The following EVC variants were observed in gnomAD, a reference collection of about 807,000 sequenced individuals.
The protein encoded by EVC is evC complex member EVC.
In EVC, 116 loss-of-function variants were observed where a neutral mutation model predicts 118.9. The ratio of observed to expected loss-of-function variants is 0.98; its 90% confidence interval spans 0.84 to 1.14. The LOEUF (loss-of-function observed/expected upper bound fraction) is 1.14. EVC is among the 50% of genes most tolerant of loss of function. The pLI is 0.00. For synonymous variants in EVC, 619 were observed against 534.7 expected, an observed-to-expected ratio of 1.16 and a Z score of -2.18; for missense variants, 1,401 against 1,246.4, an observed-to-expected ratio of 1.12 and a Z score of -1.87.
rs921827847 is a variant in EVC at position 5,811,119 on chromosome 4, C to T, written c.*82C>T. On this transcript the variant is annotated 3_prime_UTR_variant, in exon 21 of 21. Coordinates refer to ENST00000264956, the MANE Select transcript of EVC (RefSeq NM_153717.3). ...CCTTCCCTCCTGCAGTGCTGAGAGG[C>T]AGCGAGGACGGAGAGGACAGCGGCA... 28 of 1,147,690 alleles carry T rather than the reference C, an allele frequency of 2.4e-5. No homozygotes were observed. Among genetic ancestry groups the T allele is most frequent in the Admixed American group, 1.2e-4 (6 of 51,572 alleles). The allele number at this position is 1,147,690 out of a possible 1,614,324, so 71.1% of individuals were successfully genotyped here.
chr4:5,805,453 G>A (rs559470634), intron 17 of EVC, among the ~76,000 whole-genome samples: 143 of 152,268 alleles, frequency 9.4e-4, no homozygotes, highest in South Asian at 1.9e-3. Context: ...GTCAGGAAAC[G>A]CCCTGCTGCA....
At chr4:5,822,771 C>G in the EVC span, among the ~76,000 whole-genome samples, 1 of 152,206 alleles carries the variant, frequency 6.6e-6, no homozygotes, top group Non-Finnish European at 1.5e-5. Context: ...TGCCTTTCTT[C>G]ATGGTCTACA....
chr4:5,823,003 T>A, the EVC span, among the ~76,000 whole-genome samples: 1 of 152,220 alleles, frequency 6.6e-6, no homozygotes, highest in East Asian at 1.9e-4. Context: ...CTTTTTCTAA[T>A]ACATCTGACT....
At chr4:5,752,140 G>A (rs929026506) in intron 8 of EVC, among the ~76,000 whole-genome samples, 1 of 152,072 alleles carries the variant, frequency 6.6e-6, no homozygotes, top group Admixed American at 6.5e-5. Context: ...GGCTGGGAGT[G>A]GGGGGTGCAG....
At chr4:5,783,061 G>A (rs1193454756) in intron 11 of EVC, among the ~76,000 whole-genome samples, 1 of 151,966 alleles carries the variant, frequency 6.6e-6, no homozygotes, top group Non-Finnish European at 1.5e-5. Context: ...CTAAGGTGAC[G>A]GGTGCATCCC....
rs978324118 is a variant in EVC at position 5,789,489 on chromosome 4, T to C, written c.1777-4119T>C. On this transcript the variant is annotated intron_variant, in intron 12 of 20. Transcript: ENST00000264956. This position sits in a 1 kb window ranked among gnomAD's most constrained non-coding sequence, Gnocchi z 4.3. ...CTCCAGTGTTTGCCTCGGGAGTTGA[T>C]TGTAGAGTCCACCCCACCTAAAAAC... Among the ~76,000 whole-genome samples the C allele has an allele frequency of 5.9e-5, 9 of 152,196 alleles. No homozygotes were observed. The highest frequency in any genetic ancestry group is 3.3e-4 in the Admixed American group (5 of 15,280).
chr4:5,756,474 C>G lies in EVC; in HGVS notation c.1563+112C>G. On this transcript the variant is annotated intron_variant, in intron 11 of 20. Coordinates refer to ENST00000264956, the MANE Select transcript of EVC (RefSeq NM_153717.3). This position sits in a 1 kb window ranked among gnomAD's most constrained non-coding sequence, Gnocchi z 4.2. Reference sequence around the variant, plus strand: ...GAGGTGGTTCAGGTCCAACCCCGCACTCATTGGCCGGTGATCCACGCAGGC... The same window carrying G: ...GAGGTGGTTCAGGTCCAACCCCGCAGTCATTGGCCGGTGATCCACGCAGGC... 3 of 850,234 alleles carry G rather than the reference C, an allele frequency of 3.5e-6. No individual in the cohort carries two copies. The highest frequency in any genetic ancestry group is 5.8e-6 in the Non-Finnish European group (3 of 518,354). The allele number at this position is 850,234 out of a possible 1,614,324, so 52.7% of individuals were successfully genotyped here.
At chr4:5,788,889 T>C (rs1433326296) in intron 12 of EVC, among the ~76,000 whole-genome samples, 1 of 152,212 alleles carries the variant, frequency 6.6e-6, no homozygotes. Context: ...ATGAGATTTT[T>C]TCACGTTTGT....
intron 15 of EVC, among the ~76,000 whole-genome samples, chr4:5,800,721 T>C (rs543610234): frequency 6.6e-6 from 1 of 152,204 alleles, no homozygotes; most frequent in East Asian, 1.9e-4. Flanking sequence ...GGGAGCCCCC[T>C]TTGCAGATGG....
At chr4:5,747,857 T>C (rs1256792519) in intron 7 of EVC, among the ~76,000 whole-genome samples, 1 of 152,214 alleles carries the variant, frequency 6.6e-6, no homozygotes, top group Non-Finnish European at 1.5e-5. Context: ...TAATGACCTG[T>C]GCAAGAGTCT....
Position 5,724,497 on chromosome 4 carries a change from G to A in EVC, c.301-4810G>A, listed in dbSNP as rs1420744462. On this transcript the variant is annotated intron_variant, in intron 2 of 20. Coordinates refer to ENST00000264956, the MANE Select transcript of EVC (RefSeq NM_153717.3). The stretch of plus-strand genomic sequence containing the variant: ...CACATCATGTTGACAGAGCCAGCAT[G>A]GCATCAGCTAAAGAGGGCGGACCTG... 3.3e-5 allele frequency among the ~76,000 whole-genome samples: 5 copies of A among 152,296 alleles called. No individual in the cohort carries two copies. In the East Asian group the frequency reaches 9.6e-4, roughly 29 times the overall value.
chr4:5,788,520 A>C (rs1029891885), intron 12 of EVC, among the ~76,000 whole-genome samples: 1 of 152,206 alleles, frequency 6.6e-6, no homozygotes, highest in Non-Finnish European at 1.5e-5. Context: ...GGTGTGTCAA[A>C]AACAGCCGTT....
At chr4:5,739,899 CAAAAA>C (rs11343689) in intron 5 of EVC, among the ~76,000 whole-genome samples, 2 of 120,574 alleles carry the variant, frequency 1.7e-5, no homozygotes, top group African/African-American at 3.2e-5. Flanking sequence ...AACCCCATCT[CAAAAA>C]AAAAAAAAAA....
At chr4:5,761,257 A>T (rs116696524) in intron 11 of EVC, among the ~76,000 whole-genome samples, 3,059 of 152,164 alleles carry the variant, frequency 0.02, 47 homozygotes, top group Middle Eastern at 0.065. Context: ...CCTGCTCCAC[A>T]GGGAGCATGA....
At chr4:5,720,338 A>G (rs995574039) in intron 2 of EVC, among the ~76,000 whole-genome samples, 18 of 151,868 alleles carry the variant, frequency 1.2e-4, no homozygotes, top group African/African-American at 4.4e-4. Flanking sequence ...TTATATTCCC[A>G]TTTTCCAGAT....
At position 5,813,625 on chromosome 4, in the gene EVC, T is replaced by C. The variant is rs1480897763; in HGVS notation, c.*2588T>C. On this transcript the variant is annotated 3_prime_UTR_variant, in exon 21 of 21. Transcript: ENST00000264956. ...TGCAGGCCCTCTGGCAGCACCATAA[T>C]TGGTCGGTTACCCTGAGCCCAGAGC... The C allele has an allele frequency of 6.6e-6, 1 of 152,176 alleles. No individual in the cohort carries two copies. The highest frequency in any genetic ancestry group is 6.5e-5 in the Admixed American group (1 of 15,280). The allele number at this position is 152,176 out of a possible 1,614,324, so 9.4% of individuals were successfully genotyped here. A position where few individuals can be genotyped will look rare whatever the true frequency, so the allele number is the denominator to read the frequency against.
rs572964906 is a variant in EVC, at chr4:5,737,530, C to G, written c.702+4095C>G. 2.5e-3 allele frequency among the ~76,000 whole-genome samples: 378 copies of G among 152,330 alleles called. 4 individuals carry two copies. Among genetic ancestry groups the G allele is most frequent in the Non-Finnish European group, 3.2e-3 (216 of 68,028 alleles). On this transcript the variant is annotated intron_variant, in intron 5 of 20. Coordinates refer to ENST00000264956, the MANE Select transcript of EVC (RefSeq NM_153717.3). This position sits in a 1 kb window ranked among gnomAD's most constrained non-coding sequence, Gnocchi z 5.0. ...CAAAGCTTCAAAGAACAGGCTGACT[C>G]TCTCGCTAGGGGCTAATGCGGGAGA...
intron 20 of EVC, 67 bp downstream of exon 20, chr4:5,810,517 C>A: frequency 1.6e-6 from 2 of 1,220,954 alleles, no homozygotes; most frequent in Non-Finnish European, 2.4e-6. Flanking sequence ...TGCTGTGTGC[C>A]AAAAGTCAGG....
chr4:5,723,414 C>G (rs1157975029), intron 2 of EVC, among the ~76,000 whole-genome samples: 1 of 152,120 alleles, frequency 6.6e-6, no homozygotes, highest in East Asian at 1.9e-4. Flanking sequence ...TGGTCTCAAA[C>G]TCCTGACCTC....
Sources: allele counts gnomAD v4.1 joint callset (sites outside exome capture counted in the v4.1 genomes callset), GRCh38; gene constraint gnomAD v4.1.1; non-coding constraint Gnocchi (gnomAD v3.1); transcripts MANE v1.5; gene names NCBI Gene and HGNC (gene_info 2026-07-23, HGNC 2026-07-21).